The following PDE4D variants were observed in gnomAD, a reference collection of about 807,000 sequenced individuals.
PDE4D encodes phosphodiesterase 4D, also known as 3',5'-cyclic-AMP phosphodiesterase 4D.
Under a neutral mutation model 87.4 loss-of-function variants are expected in PDE4D, and 24 were observed. That is an observed-to-expected ratio of 0.27 (90% confidence interval 0.20 to 0.39). The LOEUF (loss-of-function observed/expected upper bound fraction) is 0.39, where lower values mean the gene tolerates loss of function less well. PDE4D is among the 10% of genes least tolerant of loss of function. PDE4D has a pLI of 1.00. For synonymous variants in PDE4D, 384 were observed against 383.2 expected, an observed-to-expected ratio of 1.00 and a Z score of -0.02; for missense variants, 714 against 1,041.0, an observed-to-expected ratio of 0.69 and a Z score of 4.32.
chr5:59,684,563 A>T (rs1444124709), intron 1 of PDE4D, among the ~76,000 whole-genome samples: 1 of 152,154 alleles, frequency 6.6e-6, no homozygotes, highest in Non-Finnish European at 1.5e-5. Flanking sequence ...TAAGATGTGG[A>T]GATAGAAGGC....
chr5:60,018,578 C>T (rs1393697321), intron 2 of PDE4D, among the ~76,000 whole-genome samples: 3 of 152,110 alleles, frequency 2.0e-5, no homozygotes, highest in African/African-American at 7.2e-5. Flanking sequence ...CATCAGTGTG[C>T]TGTATTCAAG....
chr5:60,053,030 A>G (rs1344253626), intron 2 of PDE4D, among the ~76,000 whole-genome samples: 1 of 152,222 alleles, frequency 6.6e-6, no homozygotes, highest in African/African-American at 2.4e-5. Flanking sequence ...CTGCTCAAGG[A>G]AATAAGAGAG....
intron 1 of PDE4D, among the ~76,000 whole-genome samples, chr5:59,290,878 A>G (rs1767872767): frequency 6.6e-6 from 1 of 152,096 alleles, no homozygotes; most frequent in Non-Finnish European, 1.5e-5. Context: ...AACTATTGTG[A>G]GATGTCATCT....
intron 1 of PDE4D, among the ~76,000 whole-genome samples, chr5:59,379,469 CT>C (rs1316832498): frequency 6.6e-6 from 1 of 151,228 alleles, no homozygotes; most frequent in Non-Finnish European, 1.5e-5. Flanking sequence ...GGCTCATTTT[CT>C]TTATTTTTAT....
chr5:59,528,368 G>T (rs1582994329), intron 1 of PDE4D, among the ~76,000 whole-genome samples: 1 of 152,122 alleles, frequency 6.6e-6, no homozygotes, highest in South Asian at 2.1e-4. Flanking sequence ...AAGAGCATAA[G>T]GTCAAAATAT....
chr5:59,624,766 T>C (rs1375776922), intron 1 of PDE4D, among the ~76,000 whole-genome samples: 2 of 152,254 alleles, frequency 1.3e-5, no homozygotes, highest in Non-Finnish European at 1.5e-5. Context: ...TTTAAGCCTT[T>C]GCAGTATGAT....
At chr5:60,084,757 T>G (rs1348056261) in intron 2 of PDE4D, among the ~76,000 whole-genome samples, 2 of 152,236 alleles carry the variant, frequency 1.3e-5, no homozygotes, top group Non-Finnish European at 2.9e-5. Context: ...TCAGCAGTCA[T>G]GTATTATTAC....
At chr5:60,193,634 T>C (rs1785381060) in intron 1 of PDE4D, among the ~76,000 whole-genome samples, 2 of 116,508 alleles carry the variant, frequency 1.7e-5, no homozygotes, top group African/African-American at 6.8e-5. Flanking sequence ...ATTGCGCCAC[T>C]GCACTCCAGC....
chr5:59,575,923 C>A (rs1436700781), intron 1 of PDE4D, among the ~76,000 whole-genome samples: 3 of 152,094 alleles, frequency 2.0e-5, no homozygotes, highest in African/African-American at 7.2e-5. Flanking sequence ...TAAATTATCC[C>A]TCATAATTCA....
At chr5:59,856,367 A>G (rs1745433605) in intron 1 of PDE4D, among the ~76,000 whole-genome samples, 1 of 152,028 alleles carries the variant, frequency 6.6e-6, no homozygotes, top group African/African-American at 2.4e-5. Context: ...GTCAGAATTA[A>G]ATATCTCACT....
chr5:59,174,217 C>T (rs1783463238), intron 5 of PDE4D: 1 of 152,086 alleles, frequency 6.6e-6, no homozygotes, highest in Non-Finnish European at 1.5e-5. Flanking sequence ...GACAGACTAG[C>T]ATTATTTGGA....
intron 1 of PDE4D, among the ~76,000 whole-genome samples, chr5:59,745,820 C>T (rs1204726444): frequency 6.6e-6 from 1 of 152,108 alleles, no homozygotes; most frequent in African/African-American, 2.4e-5. Flanking sequence ...CACAGAAGAT[C>T]GTATTTCCTA....
intron 5 of PDE4D, among the ~76,000 whole-genome samples, chr5:59,067,979 C>T (rs571296501): frequency 6.6e-6 from 1 of 152,196 alleles, no homozygotes; most frequent in African/African-American, 2.4e-5. Flanking sequence ...TTTCATGACT[C>T]AAAATTTATG....
intron 1 of PDE4D, among the ~76,000 whole-genome samples, chr5:59,677,252 G>C (rs964198038): frequency 2.0e-5 from 3 of 152,028 alleles, no homozygotes; most frequent in African/African-American, 7.2e-5. Flanking sequence ...ATATTAAAAT[G>C]TTTCTCTGAC....
At chr5:59,771,443 A>G (rs1245048263) in intron 1 of PDE4D, among the ~76,000 whole-genome samples, 2 of 79,864 alleles carry the variant, frequency 2.5e-5, no homozygotes, top group African/African-American at 1.2e-4. Context: ...AAAAGAAAGA[A>G]AGAAAGAAAG....
At chr5:59,033,160 C>G (rs1757889717) in intron 6 of PDE4D, among the ~76,000 whole-genome samples, 1 of 152,002 alleles carries the variant, frequency 6.6e-6, no homozygotes, top group African/African-American at 2.4e-5. Context: ...GATAATAAAC[C>G]TATTGTCATT....
intron 1 of PDE4D, among the ~76,000 whole-genome samples, chr5:59,286,516 G>C (rs1232136653): frequency 6.6e-6 from 1 of 152,204 alleles, no homozygotes; most frequent in African/African-American, 2.4e-5. Context: ...TCTTTGAAAA[G>C]AATGGTAGAA....
intron 2 of PDE4D, among the ~76,000 whole-genome samples, chr5:60,175,433 A>AT (rs1364928711): frequency 2.6e-5 from 4 of 152,196 alleles, no homozygotes; most frequent in African/African-American, 9.6e-5. Context: ...GTTTATGTGT[A>AT]TTATCTCTTC....
rs1474762512 is a variant in PDE4D at position 59,386,820 on chromosome 5, T to C, written c.456-170852A>G. On this transcript the variant is annotated intron_variant, in intron 1 of 14. Coordinates refer to ENST00000340635, the MANE Select transcript of PDE4D (RefSeq NM_001104631.2). The stretch of plus-strand genomic sequence containing the variant: ...CTAATCACAGGGCTTCTATTACTCC[T>C]ACAAGAATTCCTTTACCTTAGCTGG... Among the ~76,000 whole-genome samples the C allele has an allele frequency of 2.6e-5, 4 of 152,152 alleles. No individual in the cohort carries two copies. In the East Asian group the frequency reaches 7.7e-4, roughly 29 times the overall value.
Sources: gnomAD v4.1 joint callset for allele counts (sites outside exome capture counted in the v4.1 genomes callset) on GRCh38, gnomAD v4.1.1 for gene constraint, MANE v1.5 for transcripts, NCBI Gene and HGNC (gene_info 2026-07-23, HGNC 2026-07-21) for gene names.